SMIM31: variants seen among roughly 807,000 people sequenced by gnomAD.
SMIM31 encodes small integral membrane protein 31.
intron 2 of SMIM31, among the ~76,000 whole-genome samples, chr4:164,784,105 T>C (rs996984036): frequency 6.6e-6 from 1 of 152,174 alleles, no homozygotes; most frequent in South Asian, 2.1e-4. Context: ...AAAGTACAAC[T>C]AACGATGAAG....
rs1375891771 is a variant in SMIM31 at position 164,803,730 on chromosome 4, G to A, written c.*2536G>A. 3 of 152,200 alleles carry A rather than the reference G, an allele frequency of 2.0e-5. No homozygotes were observed. The highest frequency in any genetic ancestry group is 4.4e-5 in the Non-Finnish European group (3 of 68,106). The allele number at this position is 152,200 out of a possible 1,614,324, so 9.4% of individuals were successfully genotyped here. ...GAATCACTTGAACCTGGGAGGCGGAGGTTGTAGTGAGCCAAGATTGCGCCA... is the reference window on the plus strand; with the variant it reads ...GAATCACTTGAACCTGGGAGGCGGAAGTTGTAGTGAGCCAAGATTGCGCCA... On this transcript the variant is annotated 3_prime_UTR_variant, in exon 3 of 3. Coordinates refer to ENST00000507311, the MANE Select transcript of SMIM31 (RefSeq NM_001352885.1).
intron 2 of SMIM31, among the ~76,000 whole-genome samples, chr4:164,782,060 G>A (rs1732957207): frequency 6.6e-6 from 1 of 152,112 alleles, no homozygotes; most frequent in East Asian, 1.9e-4. Context: ...GGAGGTTGAG[G>A]CGGGTGGATC....
At position 164,768,875 on chromosome 4, in the gene SMIM31, C is replaced by G. The variant is rs577003135; in HGVS notation, c.-25-1544C>G. 1.1e-4 allele frequency among the ~76,000 whole-genome samples: 16 copies of G among 152,284 alleles called. No homozygotes were observed. In the East Asian group the frequency reaches 2.7e-3, roughly 26 times the overall value. Reference sequence around the variant, plus strand: ...AGCAGAAGCTTGATCAATTCATTTTCCAAATATTGATGAATGGCCGAATAT... The same window carrying G: ...AGCAGAAGCTTGATCAATTCATTTTGCAAATATTGATGAATGGCCGAATAT... On this transcript the variant is annotated intron_variant, in intron 1 of 2. Coordinates refer to ENST00000507311, the MANE Select transcript of SMIM31 (RefSeq NM_001352885.1).
chr4:164,762,457 C>T (rs1253261161), intron 1 of SMIM31, among the ~76,000 whole-genome samples: 2 of 151,848 alleles, frequency 1.3e-5, no homozygotes, highest in Non-Finnish European at 2.9e-5. Context: ...TGGCTCACAC[C>T]TATAATCCCA....
At chr4:164,764,864 T>C (rs1732699767) in intron 1 of SMIM31, among the ~76,000 whole-genome samples, 1 of 152,146 alleles carries the variant, frequency 6.6e-6, no homozygotes, top group Non-Finnish European at 1.5e-5. Flanking sequence ...AGGAATCACA[T>C]GGTAATAGTT....
chr4:164,783,741 A>T (rs964784632), intron 2 of SMIM31, among the ~76,000 whole-genome samples: 12 of 152,136 alleles, frequency 7.9e-5, no homozygotes, highest in Non-Finnish European at 1.5e-4. Context: ...ACACAGCGAG[A>T]CCACATCCCC....
intron 2 of SMIM31, among the ~76,000 whole-genome samples, chr4:164,795,686 TAATA>T (rs1733181521): frequency 6.6e-6 from 1 of 150,698 alleles, no homozygotes; most frequent in Non-Finnish European, 1.5e-5. Flanking sequence ...AGCAAATGTT[TAATA>T]AATAAATAAA....
intron 2 of SMIM31, among the ~76,000 whole-genome samples, chr4:164,790,918 T>G (rs1228273877): frequency 1.3e-5 from 2 of 152,198 alleles, no homozygotes; most frequent in Non-Finnish European, 2.9e-5. Context: ...AAATAGATTA[T>G]AGACCTGTTT....
chr4:164,769,280 A>G (rs1560825494), intron 1 of SMIM31, among the ~76,000 whole-genome samples: 2 of 152,152 alleles, frequency 1.3e-5, no homozygotes, highest in African/African-American at 2.4e-5. Flanking sequence ...TCTCCGTACT[A>G]CTAAGGACCT....
intron 1 of SMIM31, among the ~76,000 whole-genome samples, chr4:164,768,243 A>T (rs1239700993): frequency 4.4e-5 from 2 of 45,120 alleles, no homozygotes; most frequent in Non-Finnish European, 7.1e-5. Flanking sequence ...CACAAAAAAA[A>T]AAAAAGAAAA....
intron 2 of SMIM31, among the ~76,000 whole-genome samples, chr4:164,788,407 G>GA (rs893519008): frequency 6.9e-6 from 1 of 145,088 alleles, no homozygotes; most frequent in Non-Finnish European, 1.5e-5. Context: ...AGTACTGATG[G>GA]AAAAATATTT....
At chr4:164,782,372 CTTTTATTT>C (rs1327573651) in intron 2 of SMIM31, among the ~76,000 whole-genome samples, 13 of 135,876 alleles carry the variant, frequency 9.6e-5, no homozygotes, top group African/African-American at 4.1e-4. Context: ...TTATCTCTTT[CTTTTATTT>C]TTTTTTTTTT....
In SMIM31 at chr4:164,802,237, G is replaced by GA. The variant is rs964746761; in HGVS notation, c.*1051dup. 6 of 151,720 alleles carry GA rather than the reference G, an allele frequency of 4.0e-5. No individual in the cohort carries two copies. The highest frequency in any genetic ancestry group is 2.1e-4 in the South Asian group (1 of 4,786). The allele number at this position is 151,720 out of a possible 1,614,324, so 9.4% of individuals were successfully genotyped here. A position where few individuals can be genotyped will look rare whatever the true frequency, so the allele number is the denominator to read the frequency against. On this transcript the variant is annotated 3_prime_UTR_variant, in exon 3 of 3. Coordinates refer to ENST00000507311, the MANE Select transcript of SMIM31 (RefSeq NM_001352885.1). ...GACAGAGCAAGACTCTGTCTCAAAA[G>GA]AAAAAAAACAAAGAGAGAGAGAGGG...
chr4:164,763,652 G>A (rs4337694), intron 1 of SMIM31, among the ~76,000 whole-genome samples: 19,776 of 152,122 alleles, frequency 0.13, 1,545 homozygotes, highest in African/African-American at 0.21. Flanking sequence ...CTAAAACTCT[G>A]AAAATCAGTC....
chr4:164,773,635 C>A (rs1243424179), intron 2 of SMIM31, among the ~76,000 whole-genome samples: 1 of 152,146 alleles, frequency 6.6e-6, no homozygotes, highest in Non-Finnish European at 1.5e-5. Flanking sequence ...GTCCCTCCCA[C>A]AACACGTGGG....
chr4:164,800,444 G>C (rs1443538919), intron 2 of SMIM31, among the ~76,000 whole-genome samples: 1 of 152,174 alleles, frequency 6.6e-6, no homozygotes, highest in Non-Finnish European at 1.5e-5. Context: ...CTGGGTTCAA[G>C]TAATCTGCCC....
intron 1 of SMIM31, among the ~76,000 whole-genome samples, chr4:164,765,434 T>C (rs1004601612): frequency 3.8e-4 from 58 of 152,164 alleles, no homozygotes; most frequent in Non-Finnish European, 7.4e-5. Context: ...TTGTTGGCAT[T>C]TCACAGATGG....
chr4:164,781,292 G>A lies in SMIM31; in HGVS notation c.112+10737G>A, dbSNP rs184199096. On this transcript the variant is annotated intron_variant, in intron 2 of 2. Transcript: ENST00000507311. ...AAGATAAAACATATGCTTACCAAAG[G>A]ACCAAACAATCCTACTCCCAGTACT... Among the ~76,000 whole-genome samples, 17 of 152,208 alleles carry A rather than the reference G, an allele frequency of 1.1e-4. No homozygotes were observed. In the East Asian group the frequency reaches 3.3e-3, roughly 29 times the overall value.
At chr4:164,796,661 A>G (rs1006271903) in intron 2 of SMIM31, among the ~76,000 whole-genome samples, 3 of 152,166 alleles carry the variant, frequency 2.0e-5, no homozygotes, top group South Asian at 2.1e-4. Flanking sequence ...TGGCAACTCC[A>G]TCTTTCCAGT....
Sources: allele counts gnomAD v4.1 joint callset (sites outside exome capture counted in the v4.1 genomes callset), GRCh38; gene constraint gnomAD v4.1.1; transcripts MANE v1.5; gene names NCBI Gene and HGNC (gene_info 2026-07-23, HGNC 2026-07-21).